Variants in NUDCD1 observed in about 807,000 individuals in gnomAD.
NUDCD1 encodes the protein nudC domain-containing protein 1.
A neutral mutation model predicts 67.8 loss-of-function variants in NUDCD1; 60 were observed. The ratio of observed to expected loss-of-function variants is 0.88; its 90% CI spans 0.72 to 1.10. The LOEUF is 1.10. NUDCD1 is among the 50% of genes least tolerant of loss of function. The probability of loss-of-function intolerance (pLI) is 0.00; values close to 1 mark genes in which losing one functional copy is unlikely to be tolerated. For missense variants in NUDCD1, 643 were observed against 695.0 expected (o/e 0.93, Z 0.84); for synonymous variants, 244 against 230.8 (o/e 1.06, Z -0.52).
chr8:109,327,550 C>T (rs1815708297), intron 1 of NUDCD1, among the ~76,000 whole-genome samples: 1 of 152,182 alleles, frequency 6.6e-6, no homozygotes. Context: ...CATCTTATTG[C>T]CCATTTCCTC....
chr8:109,269,563 A>G (rs985770350), intron 8 of NUDCD1, among the ~76,000 whole-genome samples: 13 of 152,212 alleles, frequency 8.5e-5, no homozygotes, highest in Non-Finnish European at 1.5e-4. Flanking sequence ...AACTTCGGTT[A>G]CATGAATTCT....
intron 2 of NUDCD1, among the ~76,000 whole-genome samples, chr8:109,299,317 A>ATAT (rs934732329): frequency 1.1e-4 from 17 of 152,268 alleles, no homozygotes; most frequent in African/African-American, 4.1e-4. Context: ...AAGGAAAGCC[A>ATAT]TATTTGCTTT....
chr8:109,253,177 G>A (rs1292725928), intron 8 of NUDCD1, among the ~76,000 whole-genome samples: 1 of 152,132 alleles, frequency 6.6e-6, no homozygotes, highest in Non-Finnish European at 1.5e-5. Flanking sequence ...ATGGTGGTTA[G>A]CCAAAACAAT....
chr8:109,317,751 G>A (rs1269071293), intron 2 of NUDCD1, among the ~76,000 whole-genome samples: 4 of 152,030 alleles, frequency 2.6e-5, no homozygotes, highest in Non-Finnish European at 5.9e-5. Flanking sequence ...ATACCCCAAG[G>A]CATATGCCAG....
rs563622578 is a variant in NUDCD1, at chr8:109,292,321, T to C, written c.640+1023A>G. ...TAAAGTTACTGTGTTCCTCCAGAGA[T>C]AAAACTACAACACCAAAAAGAACTA... On this transcript the variant is annotated intron_variant, in intron 4 of 9. Transcript: ENST00000239690. Among the ~76,000 whole-genome samples the C allele has an allele frequency of 2.6e-5, 4 of 152,152 alleles. No individual in the cohort carries two copies. In the South Asian group the frequency reaches 8.3e-4, roughly 32 times the overall value.
chr8:109,255,002 T>C (rs1381800846), intron 8 of NUDCD1, among the ~76,000 whole-genome samples: 1 of 152,174 alleles, frequency 6.6e-6, no homozygotes, highest in Non-Finnish European at 1.5e-5. Context: ...ATTAAGAATA[T>C]GATCCCATTT....
chr8:109,327,461 G>A (rs1290552238), intron 1 of NUDCD1, among the ~76,000 whole-genome samples: 1 of 152,122 alleles, frequency 6.6e-6, no homozygotes, highest in Non-Finnish European at 1.5e-5. Flanking sequence ...AAAGGCCAGA[G>A]TGACCACAAA....
At chr8:109,250,541 C>G (rs914806323) in intron 8 of NUDCD1, among the ~76,000 whole-genome samples, 1 of 152,122 alleles carries the variant, frequency 6.6e-6, no homozygotes, top group African/African-American at 2.4e-5. Flanking sequence ...AGGAGTAATG[C>G]GAGCAGACAT....
chr8:109,300,791 A>G (rs1219335370), intron 2 of NUDCD1, among the ~76,000 whole-genome samples: 1 of 152,208 alleles, frequency 6.6e-6, no homozygotes, highest in Admixed American at 6.5e-5. Flanking sequence ...GCCTAGGCAC[A>G]TTGTCATCAA....
In NUDCD1 at chr8:109,305,051, C is replaced by T. The variant is rs577323917; in HGVS notation, c.274-8482G>A. 6.6e-5 allele frequency among the ~76,000 whole-genome samples: 10 copies of T among 152,290 alleles called. No homozygotes were observed. The South Asian group carries it at 1.5e-3, about 22-fold the overall frequency. On this transcript the variant is annotated intron_variant, in intron 2 of 9. Coordinates refer to ENST00000239690, the MANE Select transcript of NUDCD1 (RefSeq NM_032869.4). ...TTAGAATCTCTCATTTCCTTTCCAT[C>T]GTGGAAATCTATCCTCAAGGAAATC...
At position 109,300,333 on chromosome 8, in the gene NUDCD1, C is replaced by T. The variant is rs527501662; in HGVS notation, c.274-3764G>A. On this transcript the variant is annotated intron_variant, in intron 2 of 9. Transcript: ENST00000239690. ...GGCATCAGAGAAAGGCAAAGCCCAA[C>T]GTAAGGAAACAAAAAAAAATGATAC... Among the ~76,000 whole-genome samples the T allele has an allele frequency of 1.8e-4, 17 of 92,762 alleles. 2 individuals carry two copies. In the East Asian group the frequency reaches 3.9e-3, roughly 21 times the overall value. 60.9% of individuals were successfully genotyped at this position (92,762 alleles called of 152,430 possible). A position where few individuals can be genotyped will look rare whatever the true frequency, so the allele number is the denominator to read the frequency against.
chr8:109,256,799 C>CAA (rs564936045), intron 8 of NUDCD1, among the ~76,000 whole-genome samples: 1,654 of 139,968 alleles, frequency 0.012, 43 homozygotes, highest in African/African-American at 0.041. Context: ...GTATTCCTGG[C>CAA]AAAAAAAAAA....
At chr8:109,322,085 T>C (rs1313977457) in intron 2 of NUDCD1, among the ~76,000 whole-genome samples, 1 of 152,140 alleles carries the variant, frequency 6.6e-6, no homozygotes, top group East Asian at 1.9e-4. Flanking sequence ...CCATGAGAGT[T>C]GCTGCCCAAT....
chr8:109,289,513 T>C (rs1814652121), intron 5 of NUDCD1, among the ~76,000 whole-genome samples: 1 of 152,152 alleles, frequency 6.6e-6, no homozygotes, highest in South Asian at 2.1e-4. Flanking sequence ...AGGAAGCTAA[T>C]AAACGATTTT....
In NUDCD1 at chr8:109,242,953, C is replaced by T; in HGVS notation, c.*56G>A. The T allele has an allele frequency of 8.6e-7, 1 of 1,169,520 alleles. No homozygotes were observed. The highest frequency in any genetic ancestry group is 1.2e-6 in the Non-Finnish European group (1 of 802,808). 72.4% of individuals were successfully genotyped at this position (1,169,520 alleles called of 1,614,324 possible). On this transcript the variant is annotated 3_prime_UTR_variant, in exon 10 of 10. Transcript: ENST00000239690. ...AGAGGTTACAGTATAACTGTCCAGA[C>T]CTCCAGGTACCACTGAATACTTTTC...
At chr8:109,310,146 A>G (rs1035640526) in intron 2 of NUDCD1, among the ~76,000 whole-genome samples, 5 of 152,230 alleles carry the variant, frequency 3.3e-5, no homozygotes, top group Non-Finnish European at 7.3e-5. Context: ...ACCAAAAAAC[A>G]GCCCGCATAA....
chr8:109,257,154 A>G (rs961038363), intron 8 of NUDCD1, among the ~76,000 whole-genome samples: 1 of 152,242 alleles, frequency 6.6e-6, no homozygotes, highest in East Asian at 1.9e-4. Context: ...AGCTAGTACA[A>G]TAAGGTAAGA....
rs886496597 is a variant in NUDCD1, at chr8:109,273,628, A to G, written c.1173+1724T>C. On this transcript the variant is annotated intron_variant, in intron 7 of 9. Transcript: ENST00000239690. ...GGAAACAGATGCTCACATTAGACCT[A>G]TATCTGTTAAAAGAAATGAAAAACA... Among the ~76,000 whole-genome samples, 35 of 152,270 alleles carry G rather than the reference A, an allele frequency of 2.3e-4. 1 individual carries two copies. Among genetic ancestry groups the G allele is most frequent in the Admixed American group, 6.5e-5 (1 of 15,294 alleles).
intron 5 of NUDCD1, among the ~76,000 whole-genome samples, chr8:109,285,900 A>G (rs1387608799): frequency 1.3e-5 from 2 of 152,132 alleles, no homozygotes; most frequent in Non-Finnish European, 2.9e-5. Flanking sequence ...AGAAAACCCT[A>G]AAGATTCCAC....
Sources: allele counts gnomAD v4.1 joint callset (sites outside exome capture counted in the v4.1 genomes callset), GRCh38; gene constraint gnomAD v4.1.1; transcripts MANE v1.5; gene names NCBI Gene and HGNC (gene_info 2026-07-23, HGNC 2026-07-21).